PTPRD: variants seen among roughly 807,000 people sequenced by gnomAD.
PTPRD encodes the protein protein tyrosine phosphatase receptor type D.
In PTPRD, 34 loss-of-function variants were observed where a neutral mutation model predicts 214.5. The observed-to-expected ratio is 0.16, with a 90% confidence interval of 0.12 to 0.21. The LOEUF (loss-of-function observed/expected upper bound fraction) is 0.21. PTPRD is among the 10% of genes least tolerant of loss of function. The probability of loss-of-function intolerance (pLI) is 1.00; values close to 1 mark genes in which losing one functional copy is unlikely to be tolerated. For synonymous variants in PTPRD, 1,128 were observed against 845.7 expected (o/e 1.33, Z -5.79); for missense variants, 2,545 against 2,398.7 (o/e 1.06, Z -1.27).
chr9:9,886,169 A>T (rs2153749930), intron 5 of PTPRD, among the ~76,000 whole-genome samples: 1 of 151,794 alleles, frequency 6.6e-6, no homozygotes, highest in Admixed American at 6.6e-5. Context: ...TCAGAGGACA[A>T]CTCCAGAGAG....
intron 11 of PTPRD, among the ~76,000 whole-genome samples, chr9:8,818,628 C>T (rs1566325550): frequency 1.3e-5 from 2 of 152,306 alleles, no homozygotes; most frequent in East Asian, 3.9e-4. Context: ...CTCCAGAATG[C>T]AAAATCATAC....
chr9:10,609,104 G>C (rs563661845), intron 2 of PTPRD, among the ~76,000 whole-genome samples: 360 of 152,068 alleles, frequency 2.4e-3, no homozygotes, highest in Non-Finnish European at 3.2e-3. Flanking sequence ...ATTAAATTCA[G>C]GATAGGTGTA....
chr9:8,365,932 C>T (rs1389844722), intron 39 of PTPRD, among the ~76,000 whole-genome samples: 1 of 152,128 alleles, frequency 6.6e-6, no homozygotes, highest in Admixed American at 6.5e-5. Context: ...AACCCACAGA[C>T]TTGCGAGAAA....
chr9:8,535,605 T>C (rs1385525939), intron 14 of PTPRD, among the ~76,000 whole-genome samples: 1 of 151,940 alleles, frequency 6.6e-6, no homozygotes, highest in African/African-American at 2.4e-5. Flanking sequence ...TTTTAGTTAT[T>C]CAGGGAAGGG....
intron 2 of PTPRD, among the ~76,000 whole-genome samples, chr9:10,495,596 A>G (rs2132944023): frequency 6.6e-6 from 1 of 151,930 alleles, no homozygotes; most frequent in Non-Finnish European, 1.5e-5. Flanking sequence ...GTCTCATGTA[A>G]GTTTTGGCAG....
chr9:9,491,161 AG>A (rs2095877451), intron 8 of PTPRD, among the ~76,000 whole-genome samples: 2 of 151,952 alleles, frequency 1.3e-5, no homozygotes. Flanking sequence ...CACAAATATA[AG>A]ATTTTAAAAC....
chr9:10,295,016 T>C (rs1342789115), intron 3 of PTPRD, among the ~76,000 whole-genome samples: 6 of 151,998 alleles, frequency 3.9e-5, no homozygotes, highest in African/African-American at 1.2e-4. Context: ...GTTATGGTGA[T>C]TTAATACGAC....
intron 39 of PTPRD, among the ~76,000 whole-genome samples, chr9:8,346,130 TA>T (rs1195178119): frequency 6.6e-6 from 1 of 152,076 alleles, no homozygotes; most frequent in Non-Finnish European, 1.5e-5. Context: ...CACTCAGGTT[TA>T]AAACTGAAAA....
intron 3 of PTPRD, among the ~76,000 whole-genome samples, chr9:10,130,397 C>G (rs2154257445): frequency 6.6e-6 from 1 of 151,988 alleles, no homozygotes; most frequent in East Asian, 1.9e-4. Flanking sequence ...TTGATCTTTC[C>G]CCATTAACCT....
At chr9:10,194,468 T>A (rs534834761) in intron 3 of PTPRD, among the ~76,000 whole-genome samples, 59 of 151,608 alleles carry the variant, frequency 3.9e-4, no homozygotes, top group African/African-American at 1.4e-3. Flanking sequence ...AAGTGAGAAT[T>A]GTTTATTGAT....
At chr9:8,674,839 G>A (rs1288953951) in intron 12 of PTPRD, among the ~76,000 whole-genome samples, 2 of 152,064 alleles carry the variant, frequency 1.3e-5, no homozygotes, top group South Asian at 2.1e-4. Flanking sequence ...GTTGTTTTTT[G>A]TATGTGTTTT....
chr9:9,781,174 T>C (rs1048921730), intron 5 of PTPRD, among the ~76,000 whole-genome samples: 15 of 152,124 alleles, frequency 9.9e-5, no homozygotes, highest in Admixed American at 4.6e-4. Flanking sequence ...AGATGTAAGC[T>C]ATGGAATTCA....
At chr9:10,418,875 G>C (rs1037511750) in intron 2 of PTPRD, among the ~76,000 whole-genome samples, 2 of 151,806 alleles carry the variant, frequency 1.3e-5, no homozygotes, top group African/African-American at 4.8e-5. Context: ...GTGATTTCCT[G>C]TTTCACTTTT....
At chr9:9,808,687 T>G (rs985045819) in intron 5 of PTPRD, among the ~76,000 whole-genome samples, 1 of 152,172 alleles carries the variant, frequency 6.6e-6, no homozygotes, top group Non-Finnish European at 1.5e-5. Context: ...TCCATTTATT[T>G]CCTCTAAAAA....
chr9:8,343,331 T>A (rs1444470845), intron 39 of PTPRD, among the ~76,000 whole-genome samples: 1 of 152,056 alleles, frequency 6.6e-6, no homozygotes, highest in Non-Finnish European at 1.5e-5. Flanking sequence ...TGAATACTGA[T>A]GCCAAGAATC....
intron 11 of PTPRD, among the ~76,000 whole-genome samples, chr9:8,779,380 T>G (rs1465669704): frequency 6.6e-6 from 1 of 152,088 alleles, no homozygotes; most frequent in African/African-American, 2.4e-5. Context: ...CTGTCAGCCT[T>G]TTCAACATCA....
chr9:9,990,045 G>C (rs1275929169), intron 4 of PTPRD, among the ~76,000 whole-genome samples: 3 of 152,202 alleles, frequency 2.0e-5, no homozygotes, highest in African/African-American at 2.4e-5. Flanking sequence ...ATGGGGATCT[G>C]TCTCTCCTTG....
chr9:8,840,106 T>A (rs149303802), intron 11 of PTPRD, among the ~76,000 whole-genome samples: 26 of 152,296 alleles, frequency 1.7e-4, no homozygotes, highest in African/African-American at 5.5e-4. Flanking sequence ...AAAGTTACGG[T>A]ATAGAACGGT....
chr9:9,901,544 C>G (rs1486022151), intron 5 of PTPRD, among the ~76,000 whole-genome samples: 1 of 151,730 alleles, frequency 6.6e-6, no homozygotes, highest in Middle Eastern at 3.5e-3. Flanking sequence ...AATATATAAC[C>G]AAAGTTTAAA....
Sources: gnomAD v4.1 joint callset for allele counts (sites outside exome capture counted in the v4.1 genomes callset) on GRCh38, gnomAD v4.1.1 for gene constraint, MANE v1.5 for transcripts, NCBI Gene and HGNC (gene_info 2026-07-23, HGNC 2026-07-21) for gene names.